APCDD1L: variants seen among roughly 807,000 people sequenced by gnomAD.
The protein encoded by APCDD1L is protein APCDD1-like.
In APCDD1L, 21 loss-of-function variants were observed where a neutral mutation model predicts 24.2. The observed-to-expected ratio is 0.87, with a 90% confidence interval of 0.61 to 1.25. APCDD1L has a LOEUF of 1.25. Ranked by LOEUF, APCDD1L falls within the 50% of genes most tolerant of loss-of-function variation. The pLI, the probability that APCDD1L is intolerant of heterozygous loss-of-function variation, is 0.00. For synonymous variants in APCDD1L, 321 were observed against 323.6 expected (o/e 0.99, Z 0.09); for missense variants, 704 against 711.7 (o/e 0.99, Z 0.12).
At chr20:58,490,025 GATA>G (rs893800672) in intron 1 of APCDD1L, among the ~76,000 whole-genome samples, 1 of 152,130 alleles carries the variant, frequency 6.6e-6, no homozygotes, top group Non-Finnish European at 1.5e-5. Flanking sequence ...AGTCTTCTAT[GATA>G]ATGTTTTCCT....
chr20:58,472,253 T>A (rs1215069222), intron 1 of APCDD1L, among the ~76,000 whole-genome samples: 3 of 152,180 alleles, frequency 2.0e-5, no homozygotes, highest in African/African-American at 7.2e-5. Flanking sequence ...CGGCACCTGT[T>A]AACTGGGTGT....
At chr20:58,478,848 A>G (rs1176447741) in intron 1 of APCDD1L, among the ~76,000 whole-genome samples, 2 of 152,016 alleles carry the variant, frequency 1.3e-5, no homozygotes, top group Non-Finnish European at 2.9e-5. Context: ...GGGAGTTCCC[A>G]GCAGGCTGGG....
In APCDD1L at chr20:58,461,966, T is replaced by A. The variant is rs1330658476; in HGVS notation, c.742-412A>T. The A allele has an allele frequency of 1.1e-5, 2 of 181,790 alleles. No homozygotes were observed. Among genetic ancestry groups the A allele is most frequent in the Non-Finnish European group, 2.3e-5 (2 of 88,470 alleles). 11.3% of individuals were successfully genotyped at this position (181,790 alleles called of 1,614,324 possible). On this transcript the variant is annotated intron_variant, in intron 3 of 3. Coordinates refer to ENST00000371149, the MANE Select transcript of APCDD1L (RefSeq NM_153360.3). This position sits in a 1 kb window ranked among gnomAD's most constrained non-coding sequence, Gnocchi z 6.0. Reference sequence around the variant, plus strand: ...CTCTCCTCTCTCTACCCCTCACCCCTCATCAAACTGGAATGCATCGTGCCT... The same window carrying A: ...CTCTCCTCTCTCTACCCCTCACCCCACATCAAACTGGAATGCATCGTGCCT...
In APCDD1L at chr20:58,467,302, T is replaced by C. The variant is rs1989728522; in HGVS notation, c.545A>G (p.Gln182Arg). 4.6e-6 allele frequency: 7 copies of C among 1,533,592 alleles called. No individual in the cohort carries two copies. Among genetic ancestry groups the C allele is most frequent in the Non-Finnish European group, 6.1e-6 (7 of 1,147,054 alleles). 95.0% of individuals were successfully genotyped at this position (1,533,592 alleles called of 1,614,324 possible). A position where few individuals can be genotyped will look rare whatever the true frequency, so the allele number is the denominator to read the frequency against. Reference protein sequence around the residue: ...ALYELRSARAQGDCLEALGLT... With the variant: ...ALYELRSARARGDCLEALGLT... Reference sequence around the variant, plus strand: ...GCCCAGCGCCTCCAGGCAGTCCCCCTGAGCCCGGGCGCTCCGCAGCTCGTA... The same window carrying C: ...GCCCAGCGCCTCCAGGCAGTCCCCCCGAGCCCGGGCGCTCCGCAGCTCGTA... The change falls in exon 3 of 4, where the codon CAG becomes CGG. Residue 182 changes from glutamine (Q) to arginine (R), a missense_variant. By Grantham distance (43) the Gln-to-Arg change is conservative. Transcript: ENST00000371149. This position sits in a 1 kb window ranked among gnomAD's most constrained non-coding sequence, Gnocchi z 5.9.
chr20:58,515,059 A>G lies in APCDD1L; in HGVS notation c.-352T>C, dbSNP rs920348444. ...CGTCCCCTGGCCGTCGCCTTCCCCA[A>G]AGTCTTCGCAGTGGGCAAGGAGGCC... On this transcript the variant is annotated 5_prime_UTR_variant, in exon 1 of 4. Coordinates refer to ENST00000371149, the MANE Select transcript of APCDD1L (RefSeq NM_153360.3). 5.5e-5 allele frequency: 12 copies of G among 218,428 alleles called. No individual in the cohort carries two copies. Among genetic ancestry groups the G allele is most frequent in the African/African-American group, 2.5e-4 (11 of 43,648 alleles). 13.5% of individuals were successfully genotyped at this position (218,428 alleles called of 1,614,324 possible).
Position 58,461,654 on chromosome 20 carries a change from G to T in APCDD1L, c.742-100C>A. The T allele has an allele frequency of 1.6e-6, 2 of 1,234,304 alleles. No homozygotes were observed. The highest frequency in any genetic ancestry group is 3.5e-5 in the Admixed American group (1 of 28,928). 76.5% of individuals were successfully genotyped at this position (1,234,304 alleles called of 1,614,324 possible). Reference sequence around the variant, plus strand: ...AGCTCTGTAGGGGTGTCAAGGCAGGGTGAGGTGCGGCCTGTCCCTCCCTCC... The same window carrying T: ...AGCTCTGTAGGGGTGTCAAGGCAGGTTGAGGTGCGGCCTGTCCCTCCCTCC... On this transcript the variant is annotated intron_variant, in intron 3 of 3. Transcript: ENST00000371149. The surrounding 1 kb of genome is among the most constrained non-coding windows in gnomAD (Gnocchi z 6.0).
intron 1 of APCDD1L, among the ~76,000 whole-genome samples, chr20:58,476,001 C>T (rs1398200737): frequency 2.0e-5 from 3 of 152,186 alleles, no homozygotes; most frequent in Non-Finnish European, 2.9e-5. Flanking sequence ...TTGATTACAT[C>T]TGCAAAGACC....
intron 1 of APCDD1L, among the ~76,000 whole-genome samples, chr20:58,506,466 C>T (rs189689783): frequency 5.9e-5 from 9 of 152,290 alleles, no homozygotes; most frequent in Admixed American, 5.9e-4. Flanking sequence ...TCTGTGTCTG[C>T]TGTGCAGTGA....
rs779736576 is a variant in APCDD1L, at chr20:58,467,539, G to C, written c.308C>G (p.Ser103Trp). 1.1e-5 allele frequency: 17 copies of C among 1,588,744 alleles called. No individual in the cohort carries two copies. The highest frequency in any genetic ancestry group is 1.3e-5 in the Non-Finnish European group (15 of 1,167,774). The change falls in exon 3 of 4, where the codon TCG (serine) becomes TGG (tryptophan). Residue 103 changes from serine to tryptophan, a missense_variant. Coordinates refer to ENST00000371149, the MANE Select transcript of APCDD1L (RefSeq NM_153360.3). This position sits in a 1 kb window ranked among gnomAD's most constrained non-coding sequence, Gnocchi z 5.9. ...GCGGACTTTGCCCTTGACGAGCAGC[G>C]AGTGGGCAGGTTCCCCGCAGAAGGG... ...EDPFCGEPAH[S>W]LLVKGKVRLR... is the part of the protein sequence containing the mutation.
At chr20:58,486,313 TTG>T (rs1448926434) in intron 1 of APCDD1L, among the ~76,000 whole-genome samples, 2 of 152,142 alleles carry the variant, frequency 1.3e-5, no homozygotes, top group African/African-American at 4.8e-5. Context: ...AAAAATAACG[TTG>T]TTGAAATAAG....
At chr20:58,512,913 C>G (rs576136801) in intron 1 of APCDD1L, among the ~76,000 whole-genome samples, 1 of 152,120 alleles carries the variant, frequency 6.6e-6, no homozygotes, top group South Asian at 2.1e-4. Context: ...GTCAGGCCCC[C>G]GGGCACTCTT....
rs1989615672 is a variant in APCDD1L, at chr20:58,461,790, G to A, written c.742-236C>T. The A allele has an allele frequency of 5.0e-6, 2 of 401,252 alleles. No individual in the cohort carries two copies. The highest frequency in any genetic ancestry group is 8.7e-6 in the Non-Finnish European group (2 of 229,908). 24.9% of individuals were successfully genotyped at this position (401,252 alleles called of 1,614,324 possible). On this transcript the variant is annotated intron_variant, in intron 3 of 3. Transcript: ENST00000371149. This position sits in a 1 kb window ranked among gnomAD's most constrained non-coding sequence, Gnocchi z 6.0. ...TCCCCCGGGCCTTGGGTCTCCTGCT[G>A]TCTCTTCCACCTGGAATTCCCCGCC...
chr20:58,504,241 G>A (rs992938519), intron 1 of APCDD1L, among the ~76,000 whole-genome samples: 11 of 152,168 alleles, frequency 7.2e-5, no homozygotes, highest in African/African-American at 2.7e-4. Flanking sequence ...CCTGGCTTTG[G>A]TAAAGGATCC....
chr20:58,505,575 C>T (rs1990515685), intron 1 of APCDD1L, among the ~76,000 whole-genome samples: 1 of 152,208 alleles, frequency 6.6e-6, no homozygotes, highest in Non-Finnish European at 1.5e-5. Context: ...CACCTTTCAA[C>T]TGTTGGATGA....
rs1478985083 is a variant in APCDD1L at position 58,494,055 on chromosome 20, A to G, written c.49+20604T>C. Among the ~76,000 whole-genome samples, 3 of 152,248 alleles carry G rather than the reference A, an allele frequency of 2.0e-5. No homozygotes were observed. Among genetic ancestry groups the G allele is most frequent in the Non-Finnish European group, 4.4e-5 (3 of 68,040 alleles). On this transcript the variant is annotated intron_variant, in intron 1 of 3. Coordinates refer to ENST00000371149, the MANE Select transcript of APCDD1L (RefSeq NM_153360.3). The surrounding 1 kb of genome is among the most constrained non-coding windows in gnomAD (Gnocchi z 4.8). ...AAGGTTATTGACAAAATCATAAGGAAGAGAAAACATATTTAGGATTCATTA... is the reference window on the plus strand; with the variant it reads ...AAGGTTATTGACAAAATCATAAGGAGGAGAAAACATATTTAGGATTCATTA...
chr20:58,514,812 GAGT>G lies in APCDD1L; in HGVS notation c.-108_-106del. ...GCTGCGGGCGCCGGCGGCCAGGCTG[GAGT>G]CCTGCGAAGAAGTTGCGAGGGTCCT... On this transcript the variant is annotated 5_prime_UTR_variant, in exon 1 of 4. Coordinates refer to ENST00000371149, the MANE Select transcript of APCDD1L (RefSeq NM_153360.3). 2 of 941,194 alleles carry G rather than the reference GAGT, an allele frequency of 2.1e-6. No homozygotes were observed. The highest frequency in any genetic ancestry group is 2.8e-6 in the Non-Finnish European group (2 of 712,776). 58.3% of individuals were successfully genotyped at this position (941,194 alleles called of 1,614,324 possible). A position where few individuals can be genotyped will look rare whatever the true frequency, so the allele number is the denominator to read the frequency against.
intron 1 of APCDD1L, among the ~76,000 whole-genome samples, chr20:58,482,388 A>G (rs778258446): frequency 5.3e-5 from 8 of 152,218 alleles, no homozygotes; most frequent in Non-Finnish European, 1.2e-4. Flanking sequence ...TTAAATTACC[A>G]TATAAATAGA....
intron 1 of APCDD1L, among the ~76,000 whole-genome samples, chr20:58,499,334 T>C (rs1381729358): frequency 6.6e-6 from 1 of 152,140 alleles, no homozygotes; most frequent in African/African-American, 2.4e-5. Context: ...GACAGGGCTT[T>C]GCCACAGTGA....
intron 1 of APCDD1L, among the ~76,000 whole-genome samples, chr20:58,472,937 A>G (rs1369161074): frequency 2.6e-5 from 4 of 152,202 alleles, no homozygotes; most frequent in African/African-American, 4.8e-5. Context: ...CACCACGTGC[A>G]TGTGGGGCTT....
Sources: allele counts gnomAD v4.1 joint callset (sites outside exome capture counted in the v4.1 genomes callset), GRCh38; gene constraint gnomAD v4.1.1; non-coding constraint Gnocchi (gnomAD v3.1); transcripts MANE v1.5; gene names NCBI Gene and HGNC (gene_info 2026-07-23, HGNC 2026-07-21).